The following C12orf42 variants were observed in gnomAD, a reference collection of about 807,000 sequenced individuals.
C12orf42 encodes uncharacterized protein C12orf42.
C12orf42 carries 25 observed loss-of-function variants against 21.6 expected under a neutral mutation model. The observed-to-expected ratio is 1.16, with a 90% CI of 0.84 to 1.62. The LOEUF (loss-of-function observed/expected upper bound fraction) is 1.62, where lower values mean the gene tolerates loss of function less well. C12orf42 is among the 40% of genes most tolerant of loss of function. C12orf42 has a pLI of 0.00. For missense variants in C12orf42, 483 were observed against 459.3 expected, an observed-to-expected ratio of 1.05 and a Z score of -0.47; for synonymous variants, 174 against 175.0, an observed-to-expected ratio of 0.99 and a Z score of 0.05.
the C12orf42 span, chr12:103,550,330 T>A: frequency 6.6e-6 from 1 of 152,198 alleles, no homozygotes; most frequent in Non-Finnish European, 1.5e-5. Flanking sequence ...TAACTTTTCC[T>A]GTTAAAACTG....
the C12orf42 span, among the ~76,000 whole-genome samples, chr12:103,110,798 C>T: frequency 6.6e-6 from 1 of 152,104 alleles, no homozygotes; most frequent in Non-Finnish European, 1.5e-5. Context: ...TTGGTATGTG[C>T]ATTTGAGAAG....
At chr12:103,553,172 C>T in the C12orf42 span, among the ~76,000 whole-genome samples, 3 of 152,244 alleles carry the variant, frequency 2.0e-5, no homozygotes, top group Middle Eastern at 3.4e-3. Context: ...CACTAGATGC[C>T]GGTAGCATTC....
the C12orf42 span, among the ~76,000 whole-genome samples, chr12:103,181,645 T>C: frequency 2.6e-5 from 4 of 152,252 alleles, no homozygotes; most frequent in Admixed American, 2.6e-4. Context: ...GTTAGTTTTA[T>C]GTAAACTGTG....
rs958404144 is a variant in C12orf42 at position 103,418,970 on chromosome 12, T to C, written c.79-17295A>G. Reference sequence around the variant, plus strand: ...GAAAAAGAATTAAACAGATGAGTCCTGAACAGCTGTACTAGAGGGGAAAAA... The same window carrying C: ...GAAAAAGAATTAAACAGATGAGTCCCGAACAGCTGTACTAGAGGGGAAAAA... On this transcript the variant is annotated intron_variant, in intron 2 of 5. Coordinates refer to ENST00000548883, the MANE Select transcript of C12orf42 (RefSeq NM_198521.5). Among the ~76,000 whole-genome samples the C allele has an allele frequency of 2.6e-4, 39 of 152,232 alleles. 1 individual carries two copies. Among genetic ancestry groups the C allele is most frequent in the African/African-American group, 9.2e-4 (38 of 41,522 alleles).
rs557840713 is a variant in C12orf42 at position 103,355,173 on chromosome 12, T to A, written c.259+13714A>T. Among the ~76,000 whole-genome samples the A allele has an allele frequency of 3.5e-4, 53 of 152,252 alleles. 2 individuals carry two copies. In the South Asian group the frequency reaches 0.011, roughly 31 times the overall value. ...AATCACCATGACCAATATGTCTGTG[T>A]ATACCCAGCTCCTAGCAGAGCACTC... is the stretch of plus-strand genomic sequence containing the variant. On this transcript the variant is annotated intron_variant, in intron 4 of 5. Transcript: ENST00000548883.
chr12:103,310,450 C>T (rs1296748465), intron 4 of C12orf42, among the ~76,000 whole-genome samples: 1 of 152,146 alleles, frequency 6.6e-6, no homozygotes, highest in Non-Finnish European at 1.5e-5. Context: ...TATTTTTATG[C>T]ATGTGAAAAC....
intron 4 of C12orf42, among the ~76,000 whole-genome samples, chr12:103,358,354 A>G (rs1333550234): frequency 6.6e-6 from 1 of 152,078 alleles, no homozygotes; most frequent in Non-Finnish European, 1.5e-5. Flanking sequence ...AGAAGAATAG[A>G]GAGATCCCAG....
At chr12:103,050,450 C>T in the C12orf42 span, among the ~76,000 whole-genome samples, 2 of 152,130 alleles carry the variant, frequency 1.3e-5, no homozygotes, top group South Asian at 4.1e-4. Flanking sequence ...AGTGAAGCAT[C>T]TAGATGCTTC....
chr12:103,376,479 T>C (rs1338324076), intron 3 of C12orf42, among the ~76,000 whole-genome samples: 1 of 152,028 alleles, frequency 6.6e-6, no homozygotes, highest in Non-Finnish European at 1.5e-5. Flanking sequence ...ACCTAGATGA[T>C]AGGTTGACAG....
the C12orf42 span, among the ~76,000 whole-genome samples, chr12:103,150,104 T>C: frequency 6.6e-6 from 1 of 152,146 alleles, no homozygotes; most frequent in Admixed American, 6.6e-5. Context: ...AACCAAAAAT[T>C]TCAGGTATAT....
chr12:103,114,415 G>A, the C12orf42 span, among the ~76,000 whole-genome samples: 6 of 152,188 alleles, frequency 3.9e-5, no homozygotes, highest in South Asian at 6.2e-4. Context: ...GAGCAGTAAC[G>A]GCATCAATAT....
the C12orf42 span, among the ~76,000 whole-genome samples, chr12:103,178,951 G>A: frequency 6.6e-6 from 1 of 152,136 alleles, no homozygotes; most frequent in South Asian, 2.1e-4. Context: ...GATGCCAACT[G>A]GCTGACTTTT....
At chr12:103,265,632 T>C (rs1192028706), downstream of C12orf42, among the ~76,000 whole-genome samples, 1 of 152,154 alleles carries the variant, frequency 6.6e-6, no homozygotes, top group African/African-American at 2.4e-5. Flanking sequence ...GACAAGATGC[T>C]GAAAATGTTC....
At chr12:103,333,042 A>G (rs1320346) in intron 4 of C12orf42, among the ~76,000 whole-genome samples, 30,439 of 152,084 alleles carry the variant, frequency 0.2, 5,237 homozygotes, top group African/African-American at 0.47. Flanking sequence ...TTGTCCCATC[A>G]GGCCTTTAAA....
chr12:103,081,653 T>C, the C12orf42 span: 1 of 152,200 alleles, frequency 6.6e-6, no homozygotes, highest in South Asian at 2.1e-4. Context: ...AGATTGGAAA[T>C]AATTTTTTCT....
At chr12:103,314,211 G>A (rs997810581) in intron 4 of C12orf42, among the ~76,000 whole-genome samples, 2 of 151,912 alleles carry the variant, frequency 1.3e-5, no homozygotes, top group African/African-American at 2.4e-5. Flanking sequence ...GGGCAGGAGA[G>A]GTGTTGGGAG....
chr12:103,465,252 A>G (rs12814770), intron 2 of C12orf42, among the ~76,000 whole-genome samples: 23,786 of 152,106 alleles, frequency 0.16, 1,896 homozygotes, highest in Middle Eastern at 0.2. Flanking sequence ...GTTTTTCCAT[A>G]CGTTTGTATC....
the C12orf42 span, among the ~76,000 whole-genome samples, chr12:103,127,169 A>G: frequency 6.6e-6 from 1 of 152,246 alleles, no homozygotes; most frequent in South Asian, 2.1e-4. Flanking sequence ...CAAAATCTAC[A>G]AAGGTCATCA....
the C12orf42 span, among the ~76,000 whole-genome samples, chr12:103,219,344 G>A: frequency 1.3e-5 from 2 of 152,266 alleles, no homozygotes; most frequent in Admixed American, 1.3e-4. Context: ...CAGGATATAG[G>A]CATGGGCAAA....
Sources: gnomAD v4.1 joint callset for allele counts (sites outside exome capture counted in the v4.1 genomes callset) on GRCh38, gnomAD v4.1.1 for gene constraint, MANE v1.5 for transcripts, NCBI Gene and HGNC (gene_info 2026-07-23, HGNC 2026-07-21) for gene names.